DLGAP1: variants seen among roughly 807,000 people sequenced by gnomAD.
The protein encoded by DLGAP1 is disks large-associated protein 1.
A neutral mutation model predicts 90.8 loss-of-function variants in DLGAP1; 11 were observed. The observed-to-expected ratio is 0.12, with a 90% CI of 0.08 to 0.20. DLGAP1 has a LOEUF of 0.20. Ranked by LOEUF, DLGAP1 falls within the 10% of genes least tolerant of loss-of-function variation. The pLI, the probability that DLGAP1 is intolerant of heterozygous loss-of-function variation, is 1.00. For synonymous variants in DLGAP1, 558 were observed against 540.7 expected, an observed-to-expected ratio of 1.03 and a Z score of -0.44; for missense variants, 1,050 against 1,333.8, an observed-to-expected ratio of 0.79 and a Z score of 3.31.
intron 5 of DLGAP1, among the ~76,000 whole-genome samples, chr18:3,757,036 C>G (rs1222612757): frequency 6.6e-6 from 1 of 152,054 alleles, no homozygotes; most frequent in African/African-American, 2.4e-5. Flanking sequence ...GTCTATCAAC[C>G]CTTCCAGAAA....
intron 1 of DLGAP1, among the ~76,000 whole-genome samples, chr18:4,271,483 G>GCA (rs2079280801): frequency 6.6e-6 from 1 of 152,118 alleles, no homozygotes; most frequent in African/African-American, 2.4e-5. Flanking sequence ...GAAAAATTTG[G>GCA]CCTACCAATG....
intron 1 of DLGAP1, among the ~76,000 whole-genome samples, chr18:4,350,728 G>C (rs1038445696): frequency 3.9e-5 from 6 of 152,058 alleles, no homozygotes; most frequent in African/African-American, 1.4e-4. Context: ...ATATTGTAGA[G>C]GTCTTCTTTT....
At chr18:3,537,529 T>C (rs747438937) in intron 9 of DLGAP1, among the ~76,000 whole-genome samples, 4 of 152,234 alleles carry the variant, frequency 2.6e-5, no homozygotes, top group African/African-American at 4.8e-5. Context: ...CCACTTAAGT[T>C]GCTTTCACCT....
intron 8 of DLGAP1, among the ~76,000 whole-genome samples, chr18:3,568,245 A>G (rs1357006024): frequency 6.6e-6 from 1 of 152,176 alleles, no homozygotes; most frequent in Non-Finnish European, 1.5e-5. Flanking sequence ...TAAAGAGGAA[A>G]ATTTATATAT....
Position 3,925,965 on chromosome 18 carries a change from A to C in DLGAP1, c.-72-45825T>G, listed in dbSNP as rs577443675. Among the ~76,000 whole-genome samples the C allele has an allele frequency of 6.6e-5, 10 of 152,170 alleles. No individual in the cohort carries two copies. In the East Asian group the frequency reaches 1.9e-3, roughly 29 times the overall value. On this transcript the variant is annotated intron_variant, in intron 3 of 12. Transcript: ENST00000315677. ...TTGAGGTATGGGACAGCAATTCGGA[A>C]TCATACTTATCACACTGAGTTTTAG... is the stretch of plus-strand genomic sequence containing the variant.
intron 1 of DLGAP1, among the ~76,000 whole-genome samples, chr18:4,434,152 G>A (rs1016761698): frequency 2.1e-5 from 3 of 139,784 alleles, no homozygotes; most frequent in Non-Finnish European, 3.1e-5. Context: ...TCCTTACACC[G>A]AAAATATTGC....
chr18:3,643,617 C>A (rs1052704393), intron 7 of DLGAP1, among the ~76,000 whole-genome samples: 10 of 139,428 alleles, frequency 7.2e-5, no homozygotes, highest in Admixed American at 1.5e-4. Context: ...GAGCTGAGAT[C>A]GCGCCACTGC....
chr18:4,397,196 G>A (rs192480650), intron 1 of DLGAP1, among the ~76,000 whole-genome samples: 8 of 152,322 alleles, frequency 5.3e-5, no homozygotes, highest in African/African-American at 1.7e-4. Flanking sequence ...TACCTAGTGT[G>A]TAGCATGTAT....
chr18:3,724,509 C>T (rs2062087486), intron 7 of DLGAP1, among the ~76,000 whole-genome samples: 1 of 151,856 alleles, frequency 6.6e-6, no homozygotes, highest in East Asian at 1.9e-4. Context: ...TTTGGGAGGC[C>T]AAGGCGGGTG....
intron 7 of DLGAP1, among the ~76,000 whole-genome samples, chr18:3,696,402 G>A (rs1272825941): frequency 1.3e-5 from 2 of 152,084 alleles, no homozygotes; most frequent in Non-Finnish European, 2.9e-5. Context: ...AGTTTTTAGT[G>A]TGAAGTGGTG....
chr18:3,928,919 T>C (rs147212035), intron 3 of DLGAP1, among the ~76,000 whole-genome samples: 86 of 152,216 alleles, frequency 5.6e-4, no homozygotes, highest in Non-Finnish European at 1.1e-3. Flanking sequence ...TCGAGGTGGT[T>C]TCTAATGTTT....
At chr18:3,732,258 AAGGCTAG>A (rs1192263965) in intron 6 of DLGAP1, among the ~76,000 whole-genome samples, 1 of 152,236 alleles carries the variant, frequency 6.6e-6, no homozygotes, top group Non-Finnish European at 1.5e-5. Context: ...TCTTTTTGGC[AAGGCTAG>A]AGGCCATGTG....
intron 6 of DLGAP1, among the ~76,000 whole-genome samples, chr18:3,732,126 G>GGGA (rs1291072754): frequency 1.3e-5 from 2 of 152,126 alleles, no homozygotes; most frequent in African/African-American, 4.8e-5. Flanking sequence ...CCCCATAGAG[G>GGGA]TTCCCATAGT....
intron 10 of DLGAP1, among the ~76,000 whole-genome samples, chr18:3,523,685 A>G (rs566459879): frequency 6.6e-5 from 10 of 152,110 alleles, no homozygotes; most frequent in East Asian, 5.8e-4. Context: ...GTCTCTACTA[A>G]AAATACAAAA....
At chr18:3,932,306 G>A (rs2072536707) in intron 3 of DLGAP1, among the ~76,000 whole-genome samples, 1 of 152,154 alleles carries the variant, frequency 6.6e-6, no homozygotes, top group Non-Finnish European at 1.5e-5. Flanking sequence ...CCCACAGATT[G>A]CAGGAGTCAA....
intron 1 of DLGAP1, among the ~76,000 whole-genome samples, chr18:4,213,626 G>T (rs939947441): frequency 6.6e-6 from 1 of 152,114 alleles, no homozygotes; most frequent in East Asian, 1.9e-4. Context: ...AGTAGAAATG[G>T]TACCCATTGA....
At chr18:3,946,965 G>A (rs182772515) in intron 3 of DLGAP1, among the ~76,000 whole-genome samples, 20 of 152,246 alleles carry the variant, frequency 1.3e-4, no homozygotes, top group Non-Finnish European at 2.2e-4. Flanking sequence ...TATTTTAGGG[G>A]GGAGACTTAC....
intron 1 of DLGAP1, among the ~76,000 whole-genome samples, chr18:4,452,174 G>A (rs553055954): frequency 5.3e-5 from 8 of 152,144 alleles, no homozygotes; most frequent in African/African-American, 1.9e-4. Context: ...AAACAGTGGA[G>A]CAATTTGTGG....
chr18:3,671,720 T>G (rs1473967114), intron 7 of DLGAP1, among the ~76,000 whole-genome samples: 2 of 152,270 alleles, frequency 1.3e-5, no homozygotes, highest in African/African-American at 4.8e-5. Flanking sequence ...GGGAGTATGA[T>G]CTTTAAGAGA....
Sources: gnomAD v4.1 joint callset for allele counts (sites outside exome capture counted in the v4.1 genomes callset) on GRCh38, gnomAD v4.1.1 for gene constraint, MANE v1.5 for transcripts, NCBI Gene and HGNC (gene_info 2026-07-23, HGNC 2026-07-21) for gene names.